DGKB: variants seen among roughly 807,000 people sequenced by gnomAD.
The protein encoded by DGKB is 90 kDa diacylglycerol kinase.
DGKB carries 67 observed loss-of-function variants against 114.3 expected under a neutral mutation model. The ratio of observed to expected loss-of-function variants is 0.59; its 90% CI spans 0.48 to 0.72. The LOEUF (loss-of-function observed/expected upper bound fraction) is 0.72. Ranked by LOEUF, DGKB falls within the 30% of genes least tolerant of loss-of-function variation. The pLI, the probability that DGKB is intolerant of heterozygous loss-of-function variation, is 0.00. For missense variants in DGKB, 907 were observed against 975.2 expected, an observed-to-expected ratio of 0.93 and a Z score of 0.93; for synonymous variants, 398 against 323.1, an observed-to-expected ratio of 1.23 and a Z score of -2.49.
intron 1 of DGKB, among the ~76,000 whole-genome samples, chr7:14,948,706 T>C (rs1786013283): frequency 6.6e-6 from 1 of 151,810 alleles, no homozygotes; most frequent in African/African-American, 2.4e-5. Flanking sequence ...GATTGTGGTG[T>C]TCTCTATTAC....
At chr7:14,506,582 T>C (rs1214927120) in intron 20 of DGKB, among the ~76,000 whole-genome samples, 1 of 152,158 alleles carries the variant, frequency 6.6e-6, no homozygotes, top group Non-Finnish European at 1.5e-5. Flanking sequence ...CATGAATTCA[T>C]TCATTCATTC....
At chr7:14,889,670 G>A (rs1780875157) in intron 1 of DGKB, among the ~76,000 whole-genome samples, 1 of 151,398 alleles carries the variant, frequency 6.6e-6, no homozygotes, top group Non-Finnish European at 1.5e-5. Context: ...AGTTTCATAG[G>A]GATCAATAGT....
At chr7:14,326,294 T>A (rs1232707595) in intron 23 of DGKB, among the ~76,000 whole-genome samples, 1 of 152,132 alleles carries the variant, frequency 6.6e-6, no homozygotes, top group African/African-American at 2.4e-5. Flanking sequence ...GCTCTTTTTT[T>A]TTCCTTGCCC....
At chr7:14,932,530 C>T (rs1217043394) in intron 1 of DGKB, among the ~76,000 whole-genome samples, 1 of 152,106 alleles carries the variant, frequency 6.6e-6, no homozygotes, top group Admixed American at 6.6e-5. Flanking sequence ...ATACTGCAAA[C>T]CATAAAATTA....
intron 2 of DGKB, among the ~76,000 whole-genome samples, chr7:14,820,112 A>T (rs555868018): frequency 6.6e-6 from 1 of 152,298 alleles, no homozygotes; most frequent in Admixed American, 6.5e-5. Context: ...AGCTCATTGT[A>T]GTAGGAATTA....
chr7:14,376,939 G>A (rs893064349), intron 21 of DGKB, among the ~76,000 whole-genome samples: 1 of 152,148 alleles, frequency 6.6e-6, no homozygotes, highest in Admixed American at 6.6e-5. Flanking sequence ...TAAAGCCAGG[G>A]GCAAGTTTTT....
At chr7:14,582,949 C>T in intron 18 of DGKB, 103 bp downstream of exon 18, 1 of 805,990 alleles carries the variant, frequency 1.2e-6, no homozygotes, top group Non-Finnish European at 2.1e-6. Flanking sequence ...CCAATTATAT[C>T]ACTGCTTCCA....
intron 17 of DGKB, among the ~76,000 whole-genome samples, chr7:14,597,124 C>T (rs554452096): frequency 6.7e-4 from 102 of 152,082 alleles, no homozygotes; most frequent in African/African-American, 2.2e-3. Context: ...AGGAGAATGG[C>T]GTGAACCCAG....
At chr7:14,455,614 A>G (rs1355731057) in intron 21 of DGKB, among the ~76,000 whole-genome samples, 2 of 151,998 alleles carry the variant, frequency 1.3e-5, no homozygotes, top group African/African-American at 2.4e-5. Flanking sequence ...TTTTCTAACT[A>G]AAACCCAACC....
At chr7:14,530,396 C>T (rs1791379824) in intron 20 of DGKB, among the ~76,000 whole-genome samples, 2 of 151,332 alleles carry the variant, frequency 1.3e-5, no homozygotes, top group Admixed American at 1.3e-4. Flanking sequence ...TTGCCTTCTC[C>T]CTTGATCCCT....
At position 14,757,871 on chromosome 7, in the gene DGKB, T is replaced by C. The variant is rs1376893225; in HGVS notation, c.71-140A>G. The C allele has an allele frequency of 9.6e-6, 5 of 518,390 alleles. No individual in the cohort carries two copies. The African/African-American group carries it at 1.0e-4, about 10-fold the overall frequency. The allele number at this position is 518,390 out of a possible 1,614,324, so 32.1% of individuals were successfully genotyped here. On this transcript the variant is annotated intron_variant, in intron 2 of 25. Coordinates refer to ENST00000402815, the MANE Select transcript of DGKB (RefSeq NM_001350709.2). The stretch of plus-strand genomic sequence containing the variant: ...TAAAAACCAACACATAAAATATCTC[T>C]TGCCATTTTTGAAAGGCTATTTAAT...
chr7:14,652,219 T>C (rs950904693), intron 13 of DGKB, among the ~76,000 whole-genome samples: 1 of 151,548 alleles, frequency 6.6e-6, no homozygotes, highest in African/African-American at 2.4e-5. Flanking sequence ...AGAACAAAGC[T>C]GGAGGCATCA....
chr7:14,482,340 T>A (rs966819322), intron 20 of DGKB, among the ~76,000 whole-genome samples: 1 of 152,068 alleles, frequency 6.6e-6, no homozygotes, highest in African/African-American at 2.4e-5. Flanking sequence ...AATTGCATAA[T>A]CTTTAAGATG....
chr7:14,255,286 G>A (rs751946109), intron 23 of DGKB, among the ~76,000 whole-genome samples: 1 of 152,030 alleles, frequency 6.6e-6, no homozygotes, highest in Non-Finnish European at 1.5e-5. Context: ...TTAGTTAGAG[G>A]TGTTTTAGTG....
At chr7:14,779,825 A>G (rs529628953) in intron 2 of DGKB, among the ~76,000 whole-genome samples, 2 of 152,276 alleles carry the variant, frequency 1.3e-5, no homozygotes, top group South Asian at 4.1e-4. Context: ...ATATTTTACT[A>G]AGAACTTTAT....
rs369660453 is a variant in DGKB at position 14,682,837 on chromosome 7, G to A, written c.834C>T (p.Cys278=). 5.1e-6 allele frequency: 8 copies of A among 1,584,126 alleles called. No homozygotes were observed. The highest frequency in any genetic ancestry group is 6.9e-6 in the Non-Finnish European group (8 of 1,163,914). Residue 278 remains cysteine (C), a synonymous_variant, in exon 11 of 26, where the codon TGC becomes TGT. Transcript: ENST00000402815. ...CACAGCGCTCATGGACTGTGTACTT[G>A]CAGACTGAAAGGAAACAGGTACACA... ...VGKQGLCCSF[C]KYTVHERCVA... is the part of the protein sequence containing the mutation.
chr7:14,784,350 T>C (rs1407477669), intron 2 of DGKB, among the ~76,000 whole-genome samples: 2 of 151,218 alleles, frequency 1.3e-5, no homozygotes, highest in African/African-American at 2.4e-5. Context: ...ATGTTCACCA[T>C]CCGTCCAAAT....
At chr7:14,484,033 GTT>G (rs200501740) in intron 20 of DGKB, among the ~76,000 whole-genome samples, 1 of 141,212 alleles carries the variant, frequency 7.1e-6, no homozygotes. Flanking sequence ...TTCATGTAGG[GTT>G]TTTTTTTTTT....
At chr7:14,498,511 C>G (rs562803736) in intron 20 of DGKB, among the ~76,000 whole-genome samples, 4 of 151,828 alleles carry the variant, frequency 2.6e-5, no homozygotes, top group African/African-American at 9.6e-5. Context: ...TAATGCTGAA[C>G]AGGAGTAGAA....
Sources: gnomAD v4.1 joint callset for allele counts (sites outside exome capture counted in the v4.1 genomes callset) on GRCh38, gnomAD v4.1.1 for gene constraint, MANE v1.5 for transcripts, NCBI Gene and HGNC (gene_info 2026-07-23, HGNC 2026-07-21) for gene names.